Variants in UNC5D observed in about 807,000 individuals in gnomAD.
UNC5D encodes the protein unc-5 netrin receptor D, also known as netrin receptor UNC5D.
UNC5D carries 39 observed loss-of-function variants against 105.4 expected under a neutral mutation model. The ratio of observed to expected loss-of-function variants is 0.37; its 90% CI spans 0.29 to 0.48. UNC5D has a LOEUF of 0.48. Ranked by LOEUF, UNC5D falls within the 20% of genes least tolerant of loss-of-function variation. UNC5D has a pLI of 0.98. For synonymous variants in UNC5D, 452 were observed against 450.4 expected (o/e 1.00, Z -0.04); for missense variants, 991 against 1,202.4 (o/e 0.82, Z 2.60).
At chr8:35,698,796 C>T (rs760806330) in intron 7 of UNC5D, among the ~76,000 whole-genome samples, 2 of 152,092 alleles carry the variant, frequency 1.3e-5, no homozygotes, top group Non-Finnish European at 2.9e-5. Flanking sequence ...TTGAATATCA[C>T]TCTTGCCTCA....
intron 1 of UNC5D, among the ~76,000 whole-genome samples, chr8:35,471,509 T>G (rs1280130894): frequency 1.3e-5 from 2 of 152,186 alleles, no homozygotes; most frequent in African/African-American, 2.4e-5. Context: ...TGAAAGATTT[T>G]TTTCTGTATT....
chr8:35,661,193 C>T (rs907675356), intron 4 of UNC5D, among the ~76,000 whole-genome samples: 4 of 151,894 alleles, frequency 2.6e-5, no homozygotes, highest in Non-Finnish European at 4.4e-5. Flanking sequence ...ATAGAGTTGC[C>T]TCAAATAAGA....
At chr8:35,432,782 T>C (rs1806734666) in intron 1 of UNC5D, among the ~76,000 whole-genome samples, 1 of 152,196 alleles carries the variant, frequency 6.6e-6, no homozygotes, top group Non-Finnish European at 1.5e-5. Flanking sequence ...GTTTCCCAAC[T>C]CAATTCACCA....
intron 15 of UNC5D, 119 bp downstream of exon 15, chr8:35,767,185 T>C: frequency 1.7e-6 from 2 of 1,175,106 alleles, no homozygotes; most frequent in Non-Finnish European, 2.3e-6. Flanking sequence ...GCACAAACTC[T>C]TCATCTTCAT....
At chr8:35,484,316 C>G (rs1183150117) in intron 1 of UNC5D, among the ~76,000 whole-genome samples, 1 of 152,178 alleles carries the variant, frequency 6.6e-6, no homozygotes, top group African/African-American at 2.4e-5. Flanking sequence ...GTCTAGGTTT[C>G]CACTGGGGCC....
chr8:35,442,066 C>T (rs893872384), intron 1 of UNC5D, among the ~76,000 whole-genome samples: 11 of 151,864 alleles, frequency 7.2e-5, no homozygotes, highest in African/African-American at 2.4e-4. Flanking sequence ...CCTTGCAAAA[C>T]GTGAAATTAC....
At chr8:35,582,346 A>G (rs1304804127) in intron 3 of UNC5D, among the ~76,000 whole-genome samples, 7 of 152,146 alleles carry the variant, frequency 4.6e-5, no homozygotes, top group Non-Finnish European at 1.0e-4. Context: ...TCAGTTCTTC[A>G]TAGTTTCATC....
At chr8:35,489,630 T>C (rs1332671265) in intron 1 of UNC5D, among the ~76,000 whole-genome samples, 1 of 152,202 alleles carries the variant, frequency 6.6e-6, no homozygotes, top group Non-Finnish European at 1.5e-5. Context: ...TGTGAGAAAC[T>C]AAGTATCTGT....
At chr8:35,404,782 A>G (rs1585764958) in intron 1 of UNC5D, among the ~76,000 whole-genome samples, 1 of 151,830 alleles carries the variant, frequency 6.6e-6, no homozygotes, top group Non-Finnish European at 1.5e-5. Flanking sequence ...TAGAGATGGG[A>G]TTTCACCACG....
rs1820085161 is a variant in UNC5D, at chr8:35,603,977, T to G, written c.570+8320T>G. On this transcript the variant is annotated intron_variant, in intron 4 of 16. Transcript: ENST00000404895. ...GGGTTTCCTGAATACAGCACACTGA[T>G]GGGTCTTGACTCTTTATCCAGATTG... Among the ~76,000 whole-genome samples, 3 of 152,346 alleles carry G rather than the reference T, an allele frequency of 2.0e-5. No homozygotes were observed. In the South Asian group the frequency reaches 6.2e-4, roughly 32 times the overall value.
At chr8:35,525,102 C>T (rs1271766309) in intron 1 of UNC5D, 30 of 1,517,532 alleles carry the variant, frequency 2.0e-5, no homozygotes, top group South Asian at 8.1e-5. Context: ...TTCCCTCCCC[C>T]GGCCTGCCTC....
At chr8:35,684,228 C>T (rs1825860913) in intron 5 of UNC5D, among the ~76,000 whole-genome samples, 1 of 152,160 alleles carries the variant, frequency 6.6e-6, no homozygotes, top group South Asian at 2.1e-4. Context: ...AATAGAAGAG[C>T]CCTGGGATTT....
chr8:35,291,283 A>G (rs1488088090), intron 1 of UNC5D, among the ~76,000 whole-genome samples: 1 of 152,252 alleles, frequency 6.6e-6, no homozygotes, highest in East Asian at 1.9e-4. Flanking sequence ...GAACTGATAG[A>G]GAGCTGGGAT....
In UNC5D at chr8:35,351,406, T is replaced by C. The variant is rs145330048; in HGVS notation, c.103+115519T>C. On this transcript the variant is annotated intron_variant, in intron 1 of 16. Transcript: ENST00000404895. ...GAACTCAGAATATAAAATATATCTA[T>C]ACATTTAGATTGTATTTTAGAAAGT... Among the ~76,000 whole-genome samples, 354 of 152,244 alleles carry C rather than the reference T, an allele frequency of 2.3e-3. 3 individuals are homozygous for C. The highest frequency in any genetic ancestry group is 8.3e-3 in the African/African-American group (347 of 41,564).
In UNC5D at chr8:35,358,464, T is replaced by C. The variant is rs142965154; in HGVS notation, c.103+122577T>C. ...AACAATGAGAACACAGGGAGGGGAA[T>C]AATACATACTGAGGCCTGTTTAGTG... On this transcript the variant is annotated intron_variant, in intron 1 of 16. Coordinates refer to ENST00000404895, the MANE Select transcript of UNC5D (RefSeq NM_080872.4). Among the ~76,000 whole-genome samples, 2 of 152,170 alleles carry C rather than the reference T, an allele frequency of 1.3e-5. 1 individual carries two copies. Among genetic ancestry groups the C allele is most frequent in the Non-Finnish European group, 2.9e-5 (2 of 67,992 alleles).
At chr8:35,419,864 AGG>A (rs1805776214) in intron 1 of UNC5D, among the ~76,000 whole-genome samples, 1 of 152,118 alleles carries the variant, frequency 6.6e-6, no homozygotes, top group Non-Finnish European at 1.5e-5. Flanking sequence ...AAGGCAGATA[AGG>A]GTTTATTGAA....
chr8:35,509,113 C>G (rs554026694), intron 1 of UNC5D, among the ~76,000 whole-genome samples: 8 of 151,988 alleles, frequency 5.3e-5, no homozygotes, highest in Non-Finnish European at 1.2e-4. Flanking sequence ...CCCGGGGGGC[C>G]AAGTGTTCCC....
At chr8:35,583,179 C>T (rs1818564167) in intron 3 of UNC5D, among the ~76,000 whole-genome samples, 1 of 152,106 alleles carries the variant, frequency 6.6e-6, no homozygotes, top group African/African-American at 2.4e-5. Flanking sequence ...TAGTGAGACC[C>T]CATCTCTACA....
intron 1 of UNC5D, among the ~76,000 whole-genome samples, chr8:35,358,283 G>A (rs970346403): frequency 6.6e-6 from 1 of 152,188 alleles, no homozygotes; most frequent in Non-Finnish European, 1.5e-5. Flanking sequence ...TAAAGAAAAT[G>A]TGGTACATAT....
Sources: allele counts gnomAD v4.1 joint callset (sites outside exome capture counted in the v4.1 genomes callset), GRCh38; gene constraint gnomAD v4.1.1; transcripts MANE v1.5; gene names NCBI Gene and HGNC (gene_info 2026-07-23, HGNC 2026-07-21).